HDX: variants seen among roughly 807,000 people sequenced by gnomAD.
HDX encodes the protein chromosome X open reading frame 43.
In HDX, 19 loss-of-function variants were observed where a neutral mutation model predicts 45.2. The ratio of observed to expected loss-of-function variants is 0.42; its 90% CI spans 0.29 to 0.62. The LOEUF is 0.62. Among genes scored for constraint, HDX ranks in the 20% least tolerant of loss-of-function variants. The probability of loss-of-function intolerance (pLI) is 0.20; values close to 1 mark genes in which losing one functional copy is unlikely to be tolerated. For missense variants in HDX, 532 were observed against 493.9 expected, an observed-to-expected ratio of 1.08 and a Z score of -0.73; for synonymous variants, 188 against 172.8, an observed-to-expected ratio of 1.09 and a Z score of -0.69.
At chrX:84,438,443 T>A (rs1446130265) in intron 5 of HDX, among the ~76,000 whole-genome samples, 16 of 110,679 alleles carry the variant, frequency 1.4e-4, no homozygotes, top group African/African-American at 4.9e-4. Context: ...TACATGTGCA[T>A]GAGTAAATTG....
chrX:84,417,218 G>GAAAAAGAAAGAAAGAAGAAAGAA (rs61537095), intron 5 of HDX, among the ~76,000 whole-genome samples: 1 of 100,295 alleles, frequency 1.0e-5, no homozygotes, highest in East Asian at 3.2e-4. Flanking sequence ...AAAAAAAAGA[G>GAAAAAGAAAGAAAGAAGAAAGAA]AGAAAGAAAG....
chrX:84,373,980 C>A, intron 5 of HDX, among the ~76,000 whole-genome samples: 1 of 53,337 alleles, frequency 1.9e-5, no homozygotes, highest in East Asian at 4.8e-4. Flanking sequence ...TCCCTGTTTG[C>A]AGACGACATG....
chrX:84,478,108 T>C (rs780004277), intron 2 of HDX, among the ~76,000 whole-genome samples: 1 of 112,246 alleles, frequency 8.9e-6, no homozygotes, highest in South Asian at 3.7e-4. Flanking sequence ...AGTTATGATA[T>C]ATGAACTCAT....
intron 6 of HDX, among the ~76,000 whole-genome samples, chrX:84,349,643 CCCCTAACCCCCTTAA>C (rs2037293893): frequency 1.2e-5 from 1 of 80,730 alleles, no homozygotes; most frequent in African/African-American, 5.1e-5. Flanking sequence ...ACAACCCTAA[CCCCTAACCCCCTTAA>C]CCCTTGACCT....
intron 2 of HDX, among the ~76,000 whole-genome samples, chrX:84,477,095 G>A (rs1158840351): frequency 1.8e-5 from 2 of 111,583 alleles, no homozygotes; most frequent in Non-Finnish European, 3.8e-5. Flanking sequence ...TTTCAGAGCC[G>A]TTTGGGGTTT....
chrX:84,459,319 G>A (rs578240291), intron 4 of HDX, among the ~76,000 whole-genome samples: 1 of 110,241 alleles, frequency 9.1e-6, no homozygotes, highest in South Asian at 3.9e-4. Context: ...GCGGGCGCCT[G>A]TAGTCCCAGC....
At chrX:84,499,956 G>A (rs778197656) in intron 1 of HDX, 1 of 112,204 alleles carries the variant, frequency 8.9e-6, no homozygotes, top group South Asian at 3.6e-4. Context: ...TAGATAAAAT[G>A]TAATAAAAAG....
chrX:84,378,532 A>G (rs2147896179), intron 5 of HDX, among the ~76,000 whole-genome samples: 1 of 111,948 alleles, frequency 8.9e-6, no homozygotes, highest in East Asian at 2.8e-4. Flanking sequence ...TAGAATATAT[A>G]TTAGTTTTCT....
chrX:84,440,931 G>GAAGT (rs1451851688), intron 4 of HDX, among the ~76,000 whole-genome samples: 4 of 110,803 alleles, frequency 3.6e-5, no homozygotes, highest in Non-Finnish European at 7.6e-5. Context: ...GAAGTTACAA[G>GAAGT]AAGTATAGAA....
At chrX:84,357,121 A>G (rs1162026759) in intron 6 of HDX, among the ~76,000 whole-genome samples, 1 of 111,683 alleles carries the variant, frequency 9.0e-6, no homozygotes, top group Non-Finnish European at 1.9e-5. Flanking sequence ...CTCAGTAGAG[A>G]AATTGGAGAA....
At chrX:84,454,871 CAG>C (rs1440762757) in intron 4 of HDX, among the ~76,000 whole-genome samples, 1 of 110,824 alleles carries the variant, frequency 9.0e-6, no homozygotes, top group African/African-American at 3.3e-5. Flanking sequence ...GCTCAGCACA[CAG>C]AGAGACTTTG....
chrX:84,389,875 T>C (rs2038403536), intron 5 of HDX, among the ~76,000 whole-genome samples: 1 of 110,897 alleles, frequency 9.0e-6, no homozygotes, highest in Admixed American at 9.6e-5. Context: ...CACATGTCTG[T>C]CGGGAATGCG....
At chrX:84,439,415 C>T (rs183669539) in intron 5 of HDX, among the ~76,000 whole-genome samples, 1 of 109,772 alleles carries the variant, frequency 9.1e-6, no homozygotes, top group East Asian at 2.9e-4. Flanking sequence ...TAATTAGGTC[C>T]CATTTATCTA....
At chrX:84,486,276 C>T (rs562251145) in intron 2 of HDX, among the ~76,000 whole-genome samples, 2 of 111,169 alleles carry the variant, frequency 1.8e-5, no homozygotes, top group African/African-American at 6.5e-5. Flanking sequence ...TATCTAGGTA[C>T]CTTTTCCCTC....
In HDX at chrX:84,440,518, G is replaced by A; in HGVS notation, c.1305+14C>T. The A allele has an allele frequency of 8.8e-7, 1 of 1,134,222 alleles. No individual in the cohort carries two copies. The highest frequency in any genetic ancestry group is 1.2e-6 in the Non-Finnish European group (1 of 828,664). The allele number at this position is 1,134,222 out of a possible 1,213,427, so 93.5% of individuals were successfully genotyped here. A position where few individuals can be genotyped will look rare whatever the true frequency, so the allele number is the denominator to read the frequency against. ...GGGAAACCCATTTGCTGCTTTAAATGAAAGATTACTTACTGCTCTTTTTCT... is the reference window on the plus strand; with the variant it reads ...GGGAAACCCATTTGCTGCTTTAAATAAAAGATTACTTACTGCTCTTTTTCT... On this transcript the variant is annotated intron_variant, in intron 5 of 10. Transcript: ENST00000373177.
chrX:84,435,363 T>C (rs998158087), intron 5 of HDX, among the ~76,000 whole-genome samples: 1 of 111,473 alleles, frequency 9.0e-6, no homozygotes, highest in Admixed American at 9.6e-5. Flanking sequence ...TGTCTTCTTT[T>C]GAGAAATGTC....
chrX:84,411,417 G>A (rs4828262), intron 5 of HDX, among the ~76,000 whole-genome samples: 12,660 of 111,020 alleles, frequency 0.11, 628 homozygotes, highest in South Asian at 0.28. Context: ...TTTATTCTTT[G>A]CCAAAAATTT....
intron 4 of HDX, among the ~76,000 whole-genome samples, chrX:84,441,959 A>C: frequency 9.0e-6 from 1 of 111,601 alleles, no homozygotes; most frequent in Non-Finnish European, 1.9e-5. Context: ...ACAAATGGCC[A>C]GTAACACCTT....
At chrX:84,456,130 G>A (rs1056509450) in intron 4 of HDX, among the ~76,000 whole-genome samples, 1 of 110,770 alleles carries the variant, frequency 9.0e-6, no homozygotes, top group Non-Finnish European at 1.9e-5. Flanking sequence ...ATCATCTGAT[G>A]GTACAAATCT....
Sources: allele counts gnomAD v4.1 joint callset (sites outside exome capture counted in the v4.1 genomes callset), GRCh38; gene constraint gnomAD v4.1.1; transcripts MANE v1.5; gene names NCBI Gene and HGNC (gene_info 2026-07-23, HGNC 2026-07-21).